Variants in LOXL2 observed in about 807,000 individuals in gnomAD.
LOXL2 encodes lysyl oxidase like 2.
In LOXL2, 70 loss-of-function variants were observed where a neutral mutation model predicts 93.0. That is an observed-to-expected ratio of 0.75 (90% CI 0.62 to 0.92). LOXL2 has a LOEUF of 0.92. Among genes scored for constraint, LOXL2 ranks in the 40% least tolerant of loss-of-function variants. LOXL2 has a pLI of 0.00. For missense variants in LOXL2, 973 were observed against 1,054.9 expected (o/e 0.92, Z 1.08); for synonymous variants, 438 against 413.2 (o/e 1.06, Z -0.73).
intron 10 of LOXL2, among the ~76,000 whole-genome samples, chr8:23,308,990 A>AT (rs67587130): frequency 0.026 from 3,593 of 136,660 alleles, 53 homozygotes; most frequent in African/African-American, 0.034. Context: ...ATATATATAT[A>AT]TTTTTTTTTT....
intron 1 of LOXL2, among the ~76,000 whole-genome samples, chr8:23,399,082 G>A (rs1800127626): frequency 6.6e-6 from 1 of 152,212 alleles, no homozygotes; most frequent in Non-Finnish European, 1.5e-5. Flanking sequence ...TTGCATCTCT[G>A]TGAATGTCTG....
At chr8:23,336,475 A>C (rs903973836) in intron 4 of LOXL2, 3 of 152,280 alleles carry the variant, frequency 2.0e-5, no homozygotes, top group African/African-American at 7.2e-5. Flanking sequence ...TGGAGGAGTG[A>C]CTGGAGTGAG....
At chr8:23,364,272 T>C (rs1804358616) in intron 2 of LOXL2, 1 of 152,122 alleles carries the variant, frequency 6.6e-6, no homozygotes, top group Non-Finnish European at 1.5e-5. Context: ...AGCAGGGCGG[T>C]TCTAGGTACA....
rs774304581 is a variant in LOXL2, at chr8:23,318,460, C to CACACAA, written c.1471-1347_1471-1346insTTGTGT. Among the ~76,000 whole-genome samples, 957 of 109,020 alleles carry CACACAA rather than the reference C, an allele frequency of 8.8e-3. 10 individuals carry two copies. The highest frequency in any genetic ancestry group is 0.041 in the African/African-American group (917 of 22,490). The allele number at this position is 109,020 out of a possible 152,430, so 71.5% of individuals were successfully genotyped here. ...ACACACACACACACACACACACACA[C>CACACAA]AAAAATACACATTCATACAACCTAC... On this transcript the variant is annotated intron_variant, in intron 8 of 13. Coordinates refer to ENST00000389131, the MANE Select transcript of LOXL2 (RefSeq NM_002318.3).
intron 4 of LOXL2, among the ~76,000 whole-genome samples, chr8:23,335,283 G>A (rs1585355762): frequency 2.0e-5 from 3 of 152,002 alleles, no homozygotes; most frequent in African/African-American, 2.4e-5. Context: ...GGGTGGTCTC[G>A]AAGTCCTGAC....
chr8:23,346,146 T>TAAAAAAAATTAA (rs1364307667), intron 3 of LOXL2, among the ~76,000 whole-genome samples: 1 of 78,046 alleles, frequency 1.3e-5, no homozygotes, highest in Non-Finnish European at 3.2e-5. Context: ...ATAAAATAAA[T>TAAAAAAAATTAA]AAAATAAAAT....
chr8:23,317,004 G>C lies in LOXL2; in HGVS notation c.1581C>G (p.Asp527Glu), dbSNP rs138796129. Residue 527 changes from aspartate (D) to glutamate (E), a missense_variant, in exon 9 of 14, where the codon GAC (aspartate) becomes GAG (glutamate). Transcript: ENST00000389131. The stretch of plus-strand genomic sequence containing the variant: ...GCACTCCGCCCTGGGGGCAGGCCAC[G>C]TCCTCCCCGTCGTGGCGGCAGTGCG... ...SLAHCRHDGE[D>E]VACPQGGVQY... 1 of 1,614,000 alleles carries C rather than the reference G, an allele frequency of 6.2e-7. No homozygotes were observed. Among genetic ancestry groups the C allele is most frequent in the Non-Finnish European group, 8.5e-7 (1 of 1,180,002 alleles).
intron 1 of LOXL2, among the ~76,000 whole-genome samples, chr8:23,386,678 G>A (rs758581788): frequency 4.4e-5 from 5 of 114,136 alleles, no homozygotes; most frequent in Non-Finnish European, 6.5e-5. Context: ...ACCTCCAAGG[G>A]TGTCTCAACA....
intron 1 of LOXL2, among the ~76,000 whole-genome samples, chr8:23,373,979 T>C (rs1348625133): frequency 2.0e-5 from 3 of 152,194 alleles, no homozygotes; most frequent in Admixed American, 6.5e-5. Flanking sequence ...CTGTAAGTTC[T>C]AGGGTACATG....
At chr8:23,375,130 T>C (rs1488207690) in intron 1 of LOXL2, among the ~76,000 whole-genome samples, 2 of 152,116 alleles carry the variant, frequency 1.3e-5, no homozygotes, top group African/African-American at 4.8e-5. Context: ...GTATAAGGTG[T>C]AACGAAGGGA....
intron 1 of LOXL2, among the ~76,000 whole-genome samples, chr8:23,389,197 G>T (rs1185060877): frequency 6.6e-6 from 1 of 152,022 alleles, no homozygotes; most frequent in African/African-American, 2.4e-5. Flanking sequence ...GCCTTTCTAG[G>T]GTCCTTTTCT....
At chr8:23,315,141 T>G (rs754531683) in intron 9 of LOXL2, among the ~76,000 whole-genome samples, 4 of 152,124 alleles carry the variant, frequency 2.6e-5, no homozygotes, top group Non-Finnish European at 5.9e-5. Flanking sequence ...GCAGTGATGC[T>G]GTGTGGTCAT....
At chr8:23,373,369 C>T (rs1301635649) in intron 1 of LOXL2, among the ~76,000 whole-genome samples, 13 of 152,070 alleles carry the variant, frequency 8.5e-5, no homozygotes, top group East Asian at 1.9e-4. Flanking sequence ...AGGGTCTTGC[C>T]GTGTCACCCA....
chr8:23,392,602 G>A (rs1033381613), intron 1 of LOXL2, among the ~76,000 whole-genome samples: 1 of 152,150 alleles, frequency 6.6e-6, no homozygotes, highest in Admixed American at 6.5e-5. Context: ...CCCACTACCA[G>A]TGACAGGATG....
At chr8:23,320,152 G>T in intron 7 of LOXL2, 100 bp from the exon 8 acceptor site, 2 of 1,268,582 alleles carry the variant, frequency 1.6e-6, no homozygotes, top group Non-Finnish European at 2.2e-6. Context: ...AAGCCAGGTG[G>T]TGCTGCCCGG....
At chr8:23,377,373 T>C (rs1804610230) in intron 1 of LOXL2, among the ~76,000 whole-genome samples, 1 of 152,088 alleles carries the variant, frequency 6.6e-6, no homozygotes, top group Non-Finnish European at 1.5e-5. Context: ...TGTGGTCAAT[T>C]TTGGAATAAG....
chr8:23,377,175 T>A (rs2117222190), intron 1 of LOXL2, among the ~76,000 whole-genome samples: 1 of 152,288 alleles, frequency 6.6e-6, no homozygotes, highest in African/African-American at 2.4e-5. Flanking sequence ...ACATCTTTAT[T>A]TCTGCCTTCA....
intron 6 of LOXL2, among the ~76,000 whole-genome samples, chr8:23,322,932 T>C (rs1288295665): frequency 6.6e-6 from 1 of 152,170 alleles, no homozygotes; most frequent in African/African-American, 2.4e-5. Flanking sequence ...ACACAAATGC[T>C]TGTGATATGA....
chr8:23,403,729 C>T (rs538170100), intron 1 of LOXL2, among the ~76,000 whole-genome samples: 125 of 152,146 alleles, frequency 8.2e-4, no homozygotes, highest in African/African-American at 2.1e-3. Context: ...GCAGCCGCGC[C>T]GCGCCCGGCC....
Sources: gnomAD v4.1 joint callset for allele counts (sites outside exome capture counted in the v4.1 genomes callset) on GRCh38, gnomAD v4.1.1 for gene constraint, MANE v1.5 for transcripts, NCBI Gene and HGNC (gene_info 2026-07-23, HGNC 2026-07-21) for gene names.